LPIN1: variants seen among roughly 807,000 people sequenced by gnomAD.
LPIN1 encodes phosphatidate phosphatase LPIN1.
A neutral mutation model predicts 107.5 loss-of-function variants in LPIN1; 71 were observed. The observed-to-expected ratio is 0.66, with a 90% CI of 0.55 to 0.80. The LOEUF (loss-of-function observed/expected upper bound fraction) is 0.80, where lower values mean the gene tolerates loss of function less well. LPIN1 is among the 30% of genes least tolerant of loss of function. LPIN1 has a pLI of 0.00. For missense variants in LPIN1, 1,043 were observed against 1,160.6 expected, an observed-to-expected ratio of 0.90 and a Z score of 1.47; for synonymous variants, 445 against 452.6, an observed-to-expected ratio of 0.98 and a Z score of 0.21.
intron 6 of LPIN1, among the ~76,000 whole-genome samples, chr2:11,777,996 C>G (rs1042508141): frequency 2.0e-5 from 3 of 152,176 alleles, no homozygotes; most frequent in African/African-American, 7.2e-5. Flanking sequence ...CCACAGCCTG[C>G]GCTTTTCCCA....
At chr2:11,800,093 G>T (rs1469076054) in intron 14 of LPIN1, among the ~76,000 whole-genome samples, 3 of 152,188 alleles carry the variant, frequency 2.0e-5, no homozygotes, top group South Asian at 4.1e-4. Flanking sequence ...TTTGTCTTCA[G>T]CCCAGGTCTC....
chr2:11,684,978 G>A (rs535421224), intron 1 of LPIN1, among the ~76,000 whole-genome samples: 1 of 152,252 alleles, frequency 6.6e-6, no homozygotes, highest in East Asian at 1.9e-4. Flanking sequence ...CAGTCCAGGT[G>A]GGGGAGAAAA....
At chr2:11,749,259 G>T (rs4076055) in intron 1 of LPIN1, among the ~76,000 whole-genome samples, 94,397 of 151,890 alleles carry the variant, frequency 0.62, 31,643 homozygotes, top group African/African-American at 0.87. Context: ...GAGCTGTGAG[G>T]GAGGGTCTGG....
rs191716919 is a variant in LPIN1, at chr2:11,813,757, A to C, written c.2250-1331A>C. On this transcript the variant is annotated intron_variant, in intron 17 of 20. Coordinates refer to ENST00000674199, the MANE Select transcript of LPIN1 (RefSeq NM_001349206.2). ...TGGTGAAACTCTGTCTCTATAAAAA[A>C]TACAAAAATTAGCCGGCGTGGTGGT... Among the ~76,000 whole-genome samples the C allele has an allele frequency of 6.4e-4, 97 of 152,088 alleles. 1 individual carries two copies. The highest frequency in any genetic ancestry group is 5.3e-3 in the Admixed American group (81 of 15,292).
intron 2 of LPIN1, among the ~76,000 whole-genome samples, chr2:11,715,536 A>C (rs894394409): frequency 1.3e-5 from 2 of 152,218 alleles, no homozygotes; most frequent in Non-Finnish European, 2.9e-5. Context: ...GACTTCTCTG[A>C]GTTGCATTCC....
At chr2:11,747,000 G>A (rs1667053818) in intron 1 of LPIN1, among the ~76,000 whole-genome samples, 1 of 152,224 alleles carries the variant, frequency 6.6e-6, no homozygotes, top group Non-Finnish European at 1.5e-5. Flanking sequence ...CTGCCGCGCA[G>A]TCCCAGAACC....
At chr2:11,813,927 C>CA (rs113707275) in intron 17 of LPIN1, among the ~76,000 whole-genome samples, 2,318 of 142,398 alleles carry the variant, frequency 0.016, 31 homozygotes, top group Middle Eastern at 0.061. Flanking sequence ...AACAAATAAA[C>CA]AAAAAAAAAA....
chr2:11,692,368 G>A (rs924198822), intron 1 of LPIN1, among the ~76,000 whole-genome samples: 1 of 152,058 alleles, frequency 6.6e-6, no homozygotes, highest in African/African-American at 2.4e-5. Flanking sequence ...CACTTGGGTG[G>A]CGTCATCTAT....
At chr2:11,712,993 C>T (rs1663507961) in intron 1 of LPIN1, among the ~76,000 whole-genome samples, 1 of 152,174 alleles carries the variant, frequency 6.6e-6, no homozygotes, top group Non-Finnish European at 1.5e-5. Context: ...ACTCCTGTCA[C>T]TTGGCAGGGC....
chr2:11,816,907 C>T (rs1172660315), intron 18 of LPIN1: 1 of 152,072 alleles, frequency 6.6e-6, no homozygotes, highest in African/African-American at 2.4e-5. Flanking sequence ...TAATGCTCTC[C>T]CTCCCCTTCC....
chr2:11,721,732 T>A (rs1664161163), upstream of LPIN1: 1 of 152,250 alleles, frequency 6.6e-6, no homozygotes, highest in Admixed American at 6.5e-5. Flanking sequence ...AATCTACAAC[T>A]CAGAACTTTC....
In LPIN1 at chr2:11,763,536, T is replaced by C. The variant is rs117650834; in HGVS notation, c.-9-1997T>C. On this transcript the variant is annotated intron_variant, in intron 1 of 20. Coordinates refer to ENST00000674199, the MANE Select transcript of LPIN1 (RefSeq NM_001349206.2). ...CTTTTTCGTCTGTCCCTACCTCCTT[T>C]CCAGGCGGGGAAGGAATCGTTTCTC... Among the ~76,000 whole-genome samples, 291 of 152,302 alleles carry C rather than the reference T, an allele frequency of 1.9e-3. 8 individuals carry two copies. The East Asian group carries it at 0.046, about 24-fold the overall frequency.
At chr2:11,789,445 C>G (rs779023440) in intron 12 of LPIN1, among the ~76,000 whole-genome samples, 24 of 151,500 alleles carry the variant, frequency 1.6e-4, no homozygotes, top group Non-Finnish European at 2.9e-4. Context: ...TGTGTATGTG[C>G]ATGTGTATAT....
intron 3 of LPIN1, among the ~76,000 whole-genome samples, chr2:11,768,658 T>C (rs564631077): frequency 1.1e-4 from 16 of 152,142 alleles, no homozygotes; most frequent in Non-Finnish European, 2.2e-4. Flanking sequence ...AACTTGGGGC[T>C]GGGCATGGTG....
At chr2:11,801,670 T>G (rs1677763583) in intron 14 of LPIN1, among the ~76,000 whole-genome samples, 1 of 152,138 alleles carries the variant, frequency 6.6e-6, no homozygotes, top group African/African-American at 2.4e-5. Context: ...ATGAAAGGAA[T>G]AAGTTCTAGC....
At chr2:11,800,356 A>G (rs1270443746) in intron 14 of LPIN1, among the ~76,000 whole-genome samples, 1 of 152,138 alleles carries the variant, frequency 6.6e-6, no homozygotes, top group Non-Finnish European at 1.5e-5. Flanking sequence ...GCTGTGGGAC[A>G]CTATCCTCCT....
At chr2:11,740,651 T>C (rs1572496830) in intron 1 of LPIN1, among the ~76,000 whole-genome samples, 2 of 121,304 alleles carry the variant, frequency 1.6e-5, no homozygotes, top group Admixed American at 1.1e-4. Flanking sequence ...CCCACTGCAC[T>C]CCAGCCTGGG....
At chr2:11,742,882 C>T (rs912241868), upstream of LPIN1, among the ~76,000 whole-genome samples, 1 of 152,242 alleles carries the variant, frequency 6.6e-6, no homozygotes, top group African/African-American at 2.4e-5. Context: ...CTTTCAAGCA[C>T]CTGTGCGTGC....
chr2:11,808,187 C>T (rs1271322520), intron 17 of LPIN1, among the ~76,000 whole-genome samples: 2 of 152,196 alleles, frequency 1.3e-5, no homozygotes, highest in Admixed American at 6.5e-5. Flanking sequence ...ATGTGGATAT[C>T]GGAGGGCTTG....
Sources: gnomAD v4.1 joint callset for allele counts (sites outside exome capture counted in the v4.1 genomes callset) on GRCh38, gnomAD v4.1.1 for gene constraint, MANE v1.5 for transcripts, NCBI Gene and HGNC (gene_info 2026-07-23, HGNC 2026-07-21) for gene names.